Variants in PSMB2 observed in about 807,000 individuals in gnomAD.
The protein encoded by PSMB2 is proteasome 20S subunit beta 2, also known as proteasome subunit beta type-2.
In PSMB2, 13 loss-of-function variants were observed where a neutral mutation model predicts 25.7. The ratio of observed to expected loss-of-function variants is 0.51; its 90% confidence interval spans 0.33 to 0.80. The LOEUF is 0.80. Ranked by LOEUF, PSMB2 falls within the 30% of genes least tolerant of loss-of-function variation. The pLI is 0.02. For missense variants in PSMB2, 202 were observed against 259.0 expected (o/e 0.78, Z 1.51); for synonymous variants, 87 against 96.2 (o/e 0.90, Z 0.56).
At chr1:35,607,124 G>A (rs1650193263) in intron 4 of PSMB2, among the ~76,000 whole-genome samples, 1 of 152,118 alleles carries the variant, frequency 6.6e-6, no homozygotes, top group Non-Finnish European at 1.5e-5. Flanking sequence ...TCAGGACACT[G>A]ATCTGGAAAA....
chr1:35,609,202 G>T, intron 4 of PSMB2, 44 bp downstream of exon 4: 1 of 1,463,242 alleles, frequency 6.8e-7, no homozygotes, highest in Non-Finnish European at 9.1e-7. Flanking sequence ...GCAGCTGAGG[G>T]CAGGGCTCTG....
rs114614486 is a variant in PSMB2, at chr1:35,604,860, G to T, written c.498+373C>A. On this transcript the variant is annotated intron_variant, in intron 5 of 5. Transcript: ENST00000373237. ...ACCTGTAGGAAAATCACCTGGGACT[G>T]CCAGTTAAAGCAGAGCTTCCCAGTT... 7.4e-3 allele frequency among the ~76,000 whole-genome samples: 1,121 copies of T among 152,344 alleles called. 18 individuals are homozygous for T. The highest frequency in any genetic ancestry group is 0.026 in the African/African-American group (1,068 of 41,574).
At chr1:35,612,378 G>C (rs1404097160) in intron 3 of PSMB2, among the ~76,000 whole-genome samples, 2 of 151,848 alleles carry the variant, frequency 1.3e-5, no homozygotes, top group African/African-American at 4.8e-5. Flanking sequence ...AATAATAACG[G>C]TAAAACAACC....
At position 35,600,510 on chromosome 1, in the gene PSMB2, T is replaced by C. The variant is rs1256339501; in HGVS notation, c.*2757A>G. 1.0e-6 allele frequency: 1 copy of C among 982,202 alleles called. No individual in the cohort carries two copies. The highest frequency in any genetic ancestry group is 6.1e-5 in the Admixed American group (1 of 16,270). 60.8% of individuals were successfully genotyped at this position (982,202 alleles called of 1,614,324 possible). The stretch of plus-strand genomic sequence containing the variant: ...CCAAATTTATTCCAAAATAAAACAT[T>C]TATTAAAAATAAATGATGCCTGGGT... On this transcript the variant is annotated 3_prime_UTR_variant, in exon 6 of 6. Transcript: ENST00000373237.
At chr1:35,608,340 G>T (rs1415661466) in intron 4 of PSMB2, among the ~76,000 whole-genome samples, 1 of 151,692 alleles carries the variant, frequency 6.6e-6, no homozygotes, top group Non-Finnish European at 1.5e-5. Context: ...ACTCCAGCCT[G>T]GGCGACAGAG....
At chr1:35,604,189 G>C (rs1018955873) in intron 5 of PSMB2, among the ~76,000 whole-genome samples, 2 of 152,110 alleles carry the variant, frequency 1.3e-5, no homozygotes, top group Non-Finnish European at 2.9e-5. Context: ...CACAGGAACA[G>C]TAAAAGAATG....
At chr1:35,631,419 C>T (rs1252973525) in intron 2 of PSMB2, 75 bp from the exon 3 acceptor site, 19 of 1,596,048 alleles carry the variant, frequency 1.2e-5, no homozygotes, top group Non-Finnish European at 1.6e-5. Context: ...TTCACTACCC[C>T]TGTTCCTAAA....
chr1:35,617,367 C>T (rs1308155394), intron 3 of PSMB2, among the ~76,000 whole-genome samples: 2 of 152,118 alleles, frequency 1.3e-5, no homozygotes, highest in East Asian at 1.9e-4. Context: ...GACTTTAATC[C>T]TCTTGGCTAT....
chr1:35,614,221 C>T (rs1038284956), intron 3 of PSMB2, among the ~76,000 whole-genome samples: 10 of 152,294 alleles, frequency 6.6e-5, no homozygotes, highest in Middle Eastern at 3.4e-3. Context: ...TTCTTCCCTT[C>T]CAAATGTGTC....
chr1:35,630,167 C>G (rs1052423131), intron 3 of PSMB2, among the ~76,000 whole-genome samples: 1 of 152,124 alleles, frequency 6.6e-6, no homozygotes, highest in Non-Finnish European at 1.5e-5. Context: ...AAGAGTGAAA[C>G]TCCATCTCAA....
intron 3 of PSMB2, among the ~76,000 whole-genome samples, chr1:35,618,210 A>C (rs543356464): frequency 6.6e-6 from 1 of 152,176 alleles, no homozygotes; most frequent in Non-Finnish European, 1.5e-5. Context: ...GAAATGATGG[A>C]ACTTCATAAC....
At position 35,601,989 on chromosome 1, in the gene PSMB2, A is replaced by C. The variant is rs754015546; in HGVS notation, c.*1278T>G. 5 of 854,072 alleles carry C rather than the reference A, an allele frequency of 5.9e-6. No individual in the cohort carries two copies. The highest frequency in any genetic ancestry group is 1.8e-5 in the African/African-American group (1 of 54,434). 52.9% of individuals were successfully genotyped at this position (854,072 alleles called of 1,614,324 possible). ...AAGCATATCTATATGTATTGATATA[A>C]AACAATCTCTAATATAGTGTTAAGT... On this transcript the variant is annotated 3_prime_UTR_variant, in exon 6 of 6. Coordinates refer to ENST00000373237, the MANE Select transcript of PSMB2 (RefSeq NM_002794.5).
rs1004239366 is a variant in PSMB2, at chr1:35,636,793, T to C, written c.92-361A>G. ...TGCAAATACTATACCATGTATATAA[T>C]GGACTTTAAGCATCTATGGATTTGG... On this transcript the variant is annotated intron_variant, in intron 1 of 5. Transcript: ENST00000373237. Among the ~76,000 whole-genome samples, 6 of 152,214 alleles carry C rather than the reference T, an allele frequency of 3.9e-5. 1 individual carries two copies. In the South Asian group the frequency reaches 6.2e-4, roughly 16 times the overall value.
At chr1:35,617,057 C>CT (rs35474644) in intron 3 of PSMB2, among the ~76,000 whole-genome samples, 7 of 151,270 alleles carry the variant, frequency 4.6e-5, no homozygotes, top group Admixed American at 1.3e-4. Context: ...TATACCCTGA[C>CT]TTTTTTTTTG....
At chr1:35,617,599 C>CATG (rs1650529673) in intron 3 of PSMB2, among the ~76,000 whole-genome samples, 1 of 152,168 alleles carries the variant, frequency 6.6e-6, no homozygotes, top group Non-Finnish European at 1.5e-5. Flanking sequence ...TGAGAAGCAT[C>CATG]ATGCGACATG....
intron 5 of PSMB2, 137 bp from the exon 6 acceptor site, chr1:35,603,511 G>C: frequency 9.7e-7 from 1 of 1,026,676 alleles, no homozygotes; most frequent in Non-Finnish European, 1.4e-6. Context: ...GGAGGCAGTT[G>C]GCAGTAGGGC....
At chr1:35,622,120 C>T (rs1243151383) in intron 3 of PSMB2, among the ~76,000 whole-genome samples, 4 of 152,214 alleles carry the variant, frequency 2.6e-5, no homozygotes, top group African/African-American at 9.6e-5. Flanking sequence ...GAAAAGCCTT[C>T]CCACTGCCCT....
rs1262613998 is a variant in PSMB2 at position 35,602,489 on chromosome 1, T to C, written c.*778A>G. On this transcript the variant is annotated 3_prime_UTR_variant, in exon 6 of 6. Coordinates refer to ENST00000373237, the MANE Select transcript of PSMB2 (RefSeq NM_002794.5). Reference sequence around the variant, plus strand: ...GAAGCAGATGACTGGATTATAGGGATGGAAGAAACATTTTTCCTTCTTTTT... The same window carrying C: ...GAAGCAGATGACTGGATTATAGGGACGGAAGAAACATTTTTCCTTCTTTTT... 1.3e-5 allele frequency: 2 copies of C among 152,214 alleles called. No individual in the cohort carries two copies. Among genetic ancestry groups the C allele is most frequent in the Non-Finnish European group, 2.9e-5 (2 of 68,050 alleles). 9.4% of individuals were successfully genotyped at this position (152,214 alleles called of 1,614,324 possible). A position where few individuals can be genotyped will look rare whatever the true frequency, so the allele number is the denominator to read the frequency against.
chr1:35,629,320 C>T (rs1651017616), intron 3 of PSMB2, among the ~76,000 whole-genome samples: 1 of 152,196 alleles, frequency 6.6e-6, no homozygotes, highest in Admixed American at 6.5e-5. Context: ...AAGGGAATAA[C>T]ACACACCTTT....
Sources: allele counts gnomAD v4.1 joint callset (sites outside exome capture counted in the v4.1 genomes callset), GRCh38; gene constraint gnomAD v4.1.1; transcripts MANE v1.5; gene names NCBI Gene and HGNC (gene_info 2026-07-23, HGNC 2026-07-21).